The following SGSM3 variants were observed in gnomAD, a reference collection of about 807,000 sequenced individuals.
The protein encoded by SGSM3 is RUN and SH3 containing 3.
In SGSM3, 96 loss-of-function variants were observed where a neutral mutation model predicts 100.5. The observed-to-expected ratio is 0.96, with a 90% CI of 0.81 to 1.13. The LOEUF is 1.13. SGSM3 is among the 50% of genes most tolerant of loss of function. SGSM3 has a pLI of 0.00. For missense variants in SGSM3, 1,001 were observed against 1,015.8 expected (o/e 0.99, Z 0.20); for synonymous variants, 483 against 422.8 (o/e 1.14, Z -1.75).
At position 40,400,694 on chromosome 22, in the gene SGSM3, A is replaced by T; in HGVS notation, c.-111-2A>T. On this transcript the variant is annotated splice_acceptor_variant, in intron 1 of 21. Transcript: ENST00000248929. LOFTEE classifies it low-confidence loss of function (5UTR_SPLICE). ...TGACTTTCCTCTTTTCTCTTCTAAC[A>T]GGGCAGATGATTCTGGACCAGATGA... 1.0e-6 allele frequency: 1 copy of T among 1,001,262 alleles called. No homozygotes were observed. The highest frequency in any genetic ancestry group is 1.5e-6 in the Non-Finnish European group (1 of 660,952). The allele number at this position is 1,001,262 out of a possible 1,614,324, so 62.0% of individuals were successfully genotyped here.
chr22:40,389,814 G>A (rs892589126), intron 1 of SGSM3, among the ~76,000 whole-genome samples: 4 of 148,240 alleles, frequency 2.7e-5, no homozygotes, highest in Admixed American at 2.0e-4. Context: ...TGAGGCAGGA[G>A]AATTGCCTGA....
chr22:40,382,145 A>T (rs1316908338), intron 1 of SGSM3, among the ~76,000 whole-genome samples: 1 of 152,114 alleles, frequency 6.6e-6, no homozygotes, highest in Non-Finnish European at 1.5e-5. Context: ...TGAGGTCAGG[A>T]TAAGTTTAGG....
rs977980605 is a variant in SGSM3 at position 40,400,677 on chromosome 22, C to T, written c.-111-19C>T. 2 of 902,398 alleles carry T rather than the reference C, an allele frequency of 2.2e-6. No individual in the cohort carries two copies. Among genetic ancestry groups the T allele is most frequent in the East Asian group, 2.7e-5 (1 of 36,666 alleles). 55.9% of individuals were successfully genotyped at this position (902,398 alleles called of 1,614,324 possible). ...TAAAAATAAAAATAGAATGACTTTC[C>T]TCTTTTCTCTTCTAACAGGGCAGAT... On this transcript the variant is annotated intron_variant, in intron 1 of 21. Transcript: ENST00000248929.
At chr22:40,378,758 C>A (rs1053503521) in intron 1 of SGSM3, among the ~76,000 whole-genome samples, 1 of 151,904 alleles carries the variant, frequency 6.6e-6, no homozygotes, top group Non-Finnish European at 1.5e-5. Flanking sequence ...TAATAATAAT[C>A]TAATGGGTTG....
chr22:40,401,878 G>T (rs1432056109), intron 3 of SGSM3, among the ~76,000 whole-genome samples: 2 of 152,208 alleles, frequency 1.3e-5, no homozygotes, highest in Non-Finnish European at 2.9e-5. Flanking sequence ...GGACACAACT[G>T]CATAAAACAT....
intron 1 of SGSM3, among the ~76,000 whole-genome samples, chr22:40,384,443 C>A (rs564932101): frequency 2.6e-5 from 4 of 152,030 alleles, no homozygotes; most frequent in Admixed American, 6.6e-5. Flanking sequence ...ATAGGGAGAC[C>A]CCCATCTCCA....
chr22:40,399,089 T>C (rs113691906), intron 1 of SGSM3, among the ~76,000 whole-genome samples: 3 of 139,894 alleles, frequency 2.1e-5, no homozygotes, highest in African/African-American at 7.9e-5. Context: ...GTTCAAGCAA[T>C]TCTTGTGCCT....
intron 1 of SGSM3, among the ~76,000 whole-genome samples, chr22:40,371,068 G>A (rs893720236): frequency 6.6e-6 from 1 of 152,220 alleles, no homozygotes; most frequent in African/African-American, 2.4e-5. Context: ...CTCTGGCACC[G>A]GGACAGCTGC....
Position 40,404,253 on chromosome 22 carries a change from A to C in SGSM3, c.164A>C (p.Asp55Ala). ...FGFRVYKEEG[D>A]EPGSSLLANS... ...CTTGGCTCTCTCTTGGCAGAAGGTG[A>C]TGAGCCTGGCTCCAGTCTGCTGGCG... Residue 55 changes from aspartate to alanine, a missense_variant, in exon 5 of 22, where the codon GAT becomes GCT. Transcript: ENST00000248929. The C allele has an allele frequency of 2.6e-6, 4 of 1,512,172 alleles. No individual in the cohort carries two copies. The highest frequency in any genetic ancestry group is 3.5e-6 in the Non-Finnish European group (4 of 1,130,050). The allele number at this position is 1,512,172 out of a possible 1,614,324, so 93.7% of individuals were successfully genotyped here.
At chr22:40,405,943 T>G in intron 8 of SGSM3, 99 bp downstream of exon 8, 3 of 1,481,822 alleles carry the variant, frequency 2.0e-6, no homozygotes, top group African/African-American at 1.4e-5. Flanking sequence ...CCATGGTCTT[T>G]GTCGCTCTTT....
intron 1 of SGSM3, among the ~76,000 whole-genome samples, chr22:40,371,126 T>G (rs2146697824): frequency 6.6e-6 from 1 of 152,240 alleles, no homozygotes; most frequent in East Asian, 1.9e-4. Flanking sequence ...AAGATTCAGA[T>G]CCAGGTGCAG....
Position 40,409,265 on chromosome 22 carries a change from C to G in SGSM3, c.2004C>G (p.His668Gln). The G allele has an allele frequency of 6.2e-7, 1 of 1,609,450 alleles. No homozygotes were observed. Among genetic ancestry groups the G allele is most frequent in the Non-Finnish European group, 8.5e-7 (1 of 1,179,150 alleles). ...ATGTCCCCAGTGAGCAGGTGCTGCA[C>G]CTGTGGCTGGAGGTGCTCTGCTCCA... is the stretch of plus-strand genomic sequence containing the variant. ...ICVGLNEQVL[H>Q]LWLEVLCSSL... is the part of the protein sequence containing the mutation. The change falls in exon 20 of 22, where the codon CAC (histidine) becomes CAG (glutamine). Residue 668 changes from histidine to glutamine, a missense_variant. By Grantham distance (24) the His-to-Gln change is conservative. Coordinates refer to ENST00000248929, the MANE Select transcript of SGSM3 (RefSeq NM_015705.6).
At position 40,405,946 on chromosome 22, in the gene SGSM3, C is replaced by T. The variant is rs942138879; in HGVS notation, c.814+102C>T. The T allele has an allele frequency of 3.2e-5, 47 of 1,477,338 alleles. No individual in the cohort carries two copies. In the African/African-American group the frequency reaches 3.2e-4, roughly 10 times the overall value. The allele number at this position is 1,477,338 out of a possible 1,614,324, so 91.5% of individuals were successfully genotyped here. Reference sequence around the variant, plus strand: ...ACAGCCCCCCAACCATGGTCTTTGTCGCTCTTTTGTTCTCTGGTGTTCCCT... The same window carrying T: ...ACAGCCCCCCAACCATGGTCTTTGTTGCTCTTTTGTTCTCTGGTGTTCCCT... On this transcript the variant is annotated intron_variant, in intron 8 of 21. Coordinates refer to ENST00000248929, the MANE Select transcript of SGSM3 (RefSeq NM_015705.6).
intron 1 of SGSM3, among the ~76,000 whole-genome samples, chr22:40,373,837 A>G (rs2046039203): frequency 6.6e-6 from 1 of 152,188 alleles, no homozygotes; most frequent in Non-Finnish European, 1.5e-5. Flanking sequence ...GATGGTCTCC[A>G]TCTCTTGACC....
At chr22:40,405,078 T>G (rs1236653044) in intron 6 of SGSM3, 63 bp from the exon 7 acceptor site, 14 of 1,452,984 alleles carry the variant, frequency 9.6e-6, no homozygotes, top group Middle Eastern at 1.8e-4. Context: ...CCGCCTGGGG[T>G]CTGCCTCCCT....
rs748201975 is a variant in SGSM3 at position 40,406,063 on chromosome 22, C to T, written c.815-15C>T. On this transcript the variant is annotated splice_polypyrimidine_tract_variant and intron_variant, in intron 8 of 21. Coordinates refer to ENST00000248929, the MANE Select transcript of SGSM3 (RefSeq NM_015705.6). Reference sequence around the variant, plus strand: ...ACCACCTCCTCCCCAGCGGCTTTGGCTCCTGTGTTTACAGAGCTGTCCCTG... The same window carrying T: ...ACCACCTCCTCCCCAGCGGCTTTGGTTCCTGTGTTTACAGAGCTGTCCCTG... The T allele has an allele frequency of 1.2e-6, 2 of 1,610,158 alleles. No individual in the cohort carries two copies. The highest frequency in any genetic ancestry group is 1.7e-6 in the Non-Finnish European group (2 of 1,177,068).
At chr22:40,393,718 C>T (rs946037635) in intron 1 of SGSM3, among the ~76,000 whole-genome samples, 1 of 152,170 alleles carries the variant, frequency 6.6e-6, no homozygotes. Context: ...TTGGGAGGCT[C>T]GGAAGTCCAA....
At chr22:40,400,154 A>C (rs2050556827) in intron 1 of SGSM3, among the ~76,000 whole-genome samples, 3 of 152,240 alleles carry the variant, frequency 2.0e-5, no homozygotes, top group Admixed American at 2.0e-4. Context: ...GGACCAGGAT[A>C]ACAACTGTCA....
Position 40,407,917 on chromosome 22 carries a change from C to T in SGSM3, c.1579+74C>T, listed in dbSNP as rs1457426152. The stretch of plus-strand genomic sequence containing the variant: ...GCACAGAAGACTTGGGTGACCCTGG[C>T]CGCCACCAAGCTGTTCTCCTCTATA... On this transcript the variant is annotated intron_variant, in intron 14 of 21. Transcript: ENST00000248929. The surrounding 1 kb of genome is among the most constrained non-coding windows in gnomAD (Gnocchi z 4.7). The T allele has an allele frequency of 1.5e-5, 23 of 1,502,068 alleles. No individual in the cohort carries two copies. Among genetic ancestry groups the T allele is most frequent in the Non-Finnish European group, 2.0e-5 (22 of 1,098,600 alleles). The allele number at this position is 1,502,068 out of a possible 1,614,324, so 93.0% of individuals were successfully genotyped here.
Sources: allele counts gnomAD v4.1 joint callset (sites outside exome capture counted in the v4.1 genomes callset), GRCh38; gene constraint gnomAD v4.1.1; non-coding constraint Gnocchi (gnomAD v3.1); transcripts MANE v1.5; gene names NCBI Gene and HGNC (gene_info 2026-07-23, HGNC 2026-07-21).